Variants in PTPRB observed in about 807,000 individuals in gnomAD.
PTPRB encodes the protein receptor-type tyrosine-protein phosphatase beta.
PTPRB carries 97 observed loss-of-function variants against 238.1 expected under a neutral mutation model. That is an observed-to-expected ratio of 0.41 (90% CI 0.35 to 0.48). The LOEUF (loss-of-function observed/expected upper bound fraction) is 0.48, where lower values mean the gene tolerates loss of function less well. Among genes scored for constraint, PTPRB ranks in the 20% least tolerant of loss-of-function variants. The pLI is 0.30. For synonymous variants in PTPRB, 970 were observed against 995.4 expected, an observed-to-expected ratio of 0.97 and a Z score of 0.48; for missense variants, 2,292 against 2,681.9, an observed-to-expected ratio of 0.85 and a Z score of 3.21.
At chr12:70,524,781 T>C (rs1171451703) in intron 32 of PTPRB, among the ~76,000 whole-genome samples, 190 bp from the exon 33 acceptor site, 1 of 152,102 alleles carries the variant, frequency 6.6e-6, no homozygotes, top group East Asian at 1.9e-4. Context: ...ACAATGGTAA[T>C]GGGCAGAGAG....
chr12:70,609,881 G>A (rs1009530129), intron 3 of PTPRB: 4 of 1,479,478 alleles, frequency 2.7e-6, no homozygotes, highest in Non-Finnish European at 3.6e-6. Flanking sequence ...GAGGGCCGGG[G>A]CAGGGGGTCA....
rs372728402 is a variant in PTPRB at position 70,555,266 on chromosome 12, A to C, written c.5037T>G (p.Asp1679Glu). 97 of 1,613,538 alleles carry C rather than the reference A, an allele frequency of 6.0e-5. No homozygotes were observed. Among genetic ancestry groups the C allele is most frequent in the Admixed American group, 8.3e-5 (5 of 59,978 alleles). The part of the protein sequence containing the change: ...PPPHIRVNEK[D>E]VLISKSSINF... The stretch of plus-strand genomic sequence containing the variant: ...TGATGGAAGACTTGCTAATTAGCAC[A>C]TCCTTTTCATTCACACGAATGTGTG... The change falls in exon 20 of 34, where the codon GAT becomes GAG. Residue 1679 changes from aspartate to glutamate, a missense_variant. Transcript: ENST00000334414.
chr12:70,519,165 T>G lies in PTPRB; in HGVS notation c.*2324A>C, dbSNP rs1386054614. ...AAACCTACGATTTTTCCCTGTCATGTCCATTTACATAATTCTGATACTACC... is the reference window on the plus strand; with the variant it reads ...AAACCTACGATTTTTCCCTGTCATGGCCATTTACATAATTCTGATACTACC... On this transcript the variant is annotated 3_prime_UTR_variant, in exon 34 of 34. Transcript: ENST00000334414. 1 of 152,212 alleles carries G rather than the reference T, an allele frequency of 6.6e-6. No individual in the cohort carries two copies. The highest frequency in any genetic ancestry group is 1.9e-4 in the East Asian group (1 of 5,198). 9.4% of individuals were successfully genotyped at this position (152,212 alleles called of 1,614,324 possible).
rs1198264577 is a variant in PTPRB, at chr12:70,581,270, T to C, written c.2344A>G (p.Asn782Asp). ...AACAGACTACTGGTCATTCCTTGGT[T>C]GGCCACATGCAAGTCAGTCACTTGG... ...PAQVTDLHVA[N>D]QGMTSSLFTN... Residue 782 changes from asparagine (N) to aspartate (D), a missense_variant, in exon 10 of 34, where the codon AAC becomes GAC. By Grantham distance (23) the Asn-to-Asp change is conservative. Transcript: ENST00000334414. 27 of 1,613,742 alleles carry C rather than the reference T, an allele frequency of 1.7e-5. No individual in the cohort carries two copies. Among genetic ancestry groups the C allele is most frequent in the Non-Finnish European group, 2.3e-5 (27 of 1,179,812 alleles).
chr12:70,633,066 C>G (rs781739552), intron 2 of PTPRB, among the ~76,000 whole-genome samples: 13 of 152,146 alleles, frequency 8.5e-5, no homozygotes, highest in Admixed American at 1.3e-4. Flanking sequence ...GGTCTGCTTT[C>G]TTTCATGGAA....
chr12:70,535,096 A>C, intron 29 of PTPRB, 141 bp from the exon 30 acceptor site: 1 of 961,632 alleles, frequency 1.0e-6, no homozygotes, highest in Non-Finnish European at 1.5e-6. Context: ...ACTTTATATT[A>C]ACCTTCTCAT....
At chr12:70,607,514 C>G (rs982671138) in intron 4 of PTPRB, among the ~76,000 whole-genome samples, 1 of 151,544 alleles carries the variant, frequency 6.6e-6, no homozygotes, top group Non-Finnish European at 1.5e-5. Flanking sequence ...CTCTCTGATT[C>G]CATATTAGAA....
chr12:70,592,419 A>G lies in PTPRB; in HGVS notation c.1643T>C (p.Ile548Thr), dbSNP rs372944736. Residue 548 changes from isoleucine (I) to threonine (T), a missense_variant, in exon 7 of 34, where the codon ATC becomes ACC. This residue lies in a region of PTPRB where 1,205 missense variants were observed against 1,287.8 expected (regional missense o/e 0.94). Transcript: ENST00000334414. ...YNITLSHKGTIKESRVLAPWI... is the reference protein window; with the variant it reads ...YNITLSHKGTTKESRVLAPWI... Reference sequence around the variant, plus strand: ...AGGTGCTAATACTCTGGATTCCTTGATGGTCCCTTTGTGAGACAGGGTGAT... The same window carrying G: ...AGGTGCTAATACTCTGGATTCCTTGGTGGTCCCTTTGTGAGACAGGGTGAT... The G allele has an allele frequency of 6.2e-7, 1 of 1,613,854 alleles. No homozygotes were observed. Among genetic ancestry groups the G allele is most frequent in the African/African-American group, 1.3e-5 (1 of 74,930 alleles).
intron 21 of PTPRB, among the ~76,000 whole-genome samples, chr12:70,550,629 ATGCAGGGGCT>A (rs1876733316): frequency 1.3e-5 from 2 of 152,190 alleles, no homozygotes; most frequent in Admixed American, 1.3e-4. Flanking sequence ...TGGAACTCAA[ATGCAGGGGCT>A]CTTCCAAAGA....
At chr12:70,532,801 C>G (rs1488028550) in intron 31 of PTPRB, among the ~76,000 whole-genome samples, 1 of 151,952 alleles carries the variant, frequency 6.6e-6, no homozygotes, top group African/African-American at 2.4e-5. Flanking sequence ...GTAACTACTC[C>G]CAGCTAATTA....
At chr12:70,591,690 CAT>C in intron 7 of PTPRB, 1 of 152,746 alleles carries the variant, frequency 6.5e-6, no homozygotes, top group South Asian at 2.1e-4. Context: ...TTGCAGGACA[CAT>C]ATGGTCTCTG....
intron 2 of PTPRB, among the ~76,000 whole-genome samples, chr12:70,630,623 C>A (rs1885408797): frequency 6.6e-6 from 1 of 152,178 alleles, no homozygotes; most frequent in Non-Finnish European, 1.5e-5. Context: ...AAGAGGAAAT[C>A]AAATTGTCCC....
intron 21 of PTPRB, among the ~76,000 whole-genome samples, chr12:70,544,940 G>T (rs1437704227): frequency 1.3e-5 from 2 of 152,132 alleles, no homozygotes; most frequent in Non-Finnish European, 2.9e-5. Flanking sequence ...CATTCTCATG[G>T]AGGAAGTCAG....
At chr12:70,568,450 A>G (rs1879596558) in intron 14 of PTPRB, among the ~76,000 whole-genome samples, 1 of 150,866 alleles carries the variant, frequency 6.6e-6, no homozygotes, top group Admixed American at 6.6e-5. Flanking sequence ...GGCGTCTGCC[A>G]TCACACCCAG....
intron 10 of PTPRB, 39 bp from the exon 11 acceptor site, chr12:70,576,684 A>AGGGGGGGGGGGGGGGGGGGGGG (rs1313001377): frequency 3.3e-5 from 1 of 29,860 alleles, no homozygotes; most frequent in Non-Finnish European, 6.0e-5. Context: ...GGGGGGGGGA[A>AGGGGGGGGGGGGGGGGGGGGGG]GGGGGATTCA....
At position 70,571,295 on chromosome 12, in the gene PTPRB, G is replaced by C; in HGVS notation, c.3107-6C>G. 6.4e-7 allele frequency: 1 copy of C among 1,573,774 alleles called. No individual in the cohort carries two copies. The highest frequency in any genetic ancestry group is 2.2e-5 in the East Asian group (1 of 44,574). On this transcript the variant is annotated splice_region_variant and splice_polypyrimidine_tract_variant and intron_variant, in intron 12 of 33. Coordinates refer to ENST00000334414, the MANE Select transcript of PTPRB (RefSeq NM_001109754.4). ...ATCCTTAACAGGCTCTGGAACTAGG[G>C]AGAAAAATGAGAAGACATTTCAGGA...
intron 9 of PTPRB, among the ~76,000 whole-genome samples, chr12:70,584,710 A>C (rs1364870086): frequency 6.6e-6 from 1 of 152,162 alleles, no homozygotes; most frequent in Non-Finnish European, 1.5e-5. Flanking sequence ...AGCAAAAACA[A>C]AATTTGAGAG....
intron 13 of PTPRB, 151 bp downstream of exon 13, chr12:70,570,875 G>A: frequency 1.2e-6 from 1 of 835,486 alleles, no homozygotes; most frequent in Non-Finnish European, 1.8e-6. Context: ...CATCCAGGTT[G>A]GACAACATCA....
intron 10 of PTPRB, among the ~76,000 whole-genome samples, chr12:70,579,167 T>C (rs1242368893): frequency 2.0e-5 from 3 of 152,122 alleles, no homozygotes; most frequent in African/African-American, 7.2e-5. Flanking sequence ...CCTCCACTCC[T>C]CTCCTCAGCT....
Sources: gnomAD v4.1 joint callset for allele counts (sites outside exome capture counted in the v4.1 genomes callset) on GRCh38, gnomAD v4.1.1 for gene constraint, gnomAD v4.1.1 regional missense constraint, MANE v1.5 for transcripts, NCBI Gene and HGNC (gene_info 2026-07-23, HGNC 2026-07-21) for gene names.